N4BP1: variants seen among roughly 807,000 people sequenced by gnomAD.
N4BP1 encodes NEDD4-binding protein 1.
N4BP1 carries 21 observed loss-of-function variants against 70.9 expected under a neutral mutation model. That is an observed-to-expected ratio of 0.30 (90% CI 0.21 to 0.43). The LOEUF (loss-of-function observed/expected upper bound fraction) is 0.43. Ranked by LOEUF, N4BP1 falls within the 20% of genes least tolerant of loss-of-function variation. The pLI is 1.00. For synonymous variants in N4BP1, 387 were observed against 394.6 expected (o/e 0.98, Z 0.23); for missense variants, 936 against 1,069.4 (o/e 0.88, Z 1.74).
At chr16:48,609,458 T>TGAGCA (rs1964641597) in intron 1 of N4BP1, among the ~76,000 whole-genome samples, 1 of 152,132 alleles carries the variant, frequency 6.6e-6, no homozygotes, top group African/African-American at 2.4e-5. Context: ...ACAGGCGACA[T>TGAGCA]GCGCAGCGCA....
intron 1 of N4BP1, among the ~76,000 whole-genome samples, chr16:48,580,316 C>G (rs567061531): frequency 6.6e-6 from 1 of 152,084 alleles, no homozygotes; most frequent in South Asian, 2.1e-4. Context: ...TATACACGAA[C>G]AAATTGGATA....
At chr16:48,601,043 A>G (rs1045846244) in intron 1 of N4BP1, among the ~76,000 whole-genome samples, 21 of 152,246 alleles carry the variant, frequency 1.4e-4, no homozygotes, top group African/African-American at 5.1e-4. Flanking sequence ...GGGGGATACA[A>G]CAAGGAACTA....
intron 6 of N4BP1, among the ~76,000 whole-genome samples, chr16:48,543,485 C>T (rs1051706648): frequency 6.6e-6 from 1 of 152,274 alleles, no homozygotes; most frequent in African/African-American, 2.4e-5. Context: ...GGAATCAATG[C>T]GCTCTATGAG....
At chr16:48,600,566 G>A (rs973065330) in intron 1 of N4BP1, 1 of 573,070 alleles carries the variant, frequency 1.7e-6, no homozygotes, top group Non-Finnish European at 3.4e-6. Flanking sequence ...TCTTATCTGA[G>A]TTCCTCTTGC....
At chr16:48,605,793 A>G (rs561717145) in intron 1 of N4BP1, among the ~76,000 whole-genome samples, 67 of 152,198 alleles carry the variant, frequency 4.4e-4, no homozygotes, top group African/African-American at 1.3e-3. Context: ...TAACTCTTCC[A>G]CGACTCTCCA....
At chr16:48,580,509 G>C (rs7498158) in intron 1 of N4BP1, among the ~76,000 whole-genome samples, 1 of 152,078 alleles carries the variant, frequency 6.6e-6, no homozygotes, top group Non-Finnish European at 1.5e-5. Flanking sequence ...ATTTAAAGAA[G>C]AACTAATGTC....
chr16:48,590,960 G>T (rs1421060363), intron 1 of N4BP1, among the ~76,000 whole-genome samples: 1 of 152,208 alleles, frequency 6.6e-6, no homozygotes, highest in Admixed American at 6.5e-5. Flanking sequence ...AGAATAGGAG[G>T]ATAGTTTGGA....
At chr16:48,563,123 G>A (rs955066524) in intron 1 of N4BP1, among the ~76,000 whole-genome samples, 1 of 151,798 alleles carries the variant, frequency 6.6e-6, no homozygotes, top group African/African-American at 2.4e-5. Context: ...TCAGATGTTG[G>A]TATTGAAATA....
At chr16:48,564,109 C>T (rs559995564) in intron 1 of N4BP1, among the ~76,000 whole-genome samples, 64 of 152,222 alleles carry the variant, frequency 4.2e-4, no homozygotes, top group Admixed American at 7.2e-4. Context: ...TTTGAGAGCT[C>T]TTTATATATC....
At chr16:48,568,654 G>A (rs1963974184) in intron 1 of N4BP1, among the ~76,000 whole-genome samples, 1 of 152,088 alleles carries the variant, frequency 6.6e-6, no homozygotes, top group Non-Finnish European at 1.5e-5. Context: ...TTCTTCCCCA[G>A]CAAACTGAGA....
intron 1 of N4BP1, among the ~76,000 whole-genome samples, chr16:48,564,290 T>C (rs1963906098): frequency 6.6e-6 from 1 of 152,234 alleles, no homozygotes; most frequent in Non-Finnish European, 1.5e-5. Flanking sequence ...ACCTCTCCAA[T>C]GTTATCGTCT....
chr16:48,548,394 A>G (rs1459907591), intron 4 of N4BP1, among the ~76,000 whole-genome samples: 1 of 152,240 alleles, frequency 6.6e-6, no homozygotes, highest in Non-Finnish European at 1.5e-5. Flanking sequence ...TTATCAATAA[A>G]CAGTGTTAAT....
Position 48,548,185 on chromosome 16 carries a change from G to C in N4BP1, c.2118-71C>G, listed in dbSNP as rs1963615888. The stretch of plus-strand genomic sequence containing the variant: ...GCTCAGAGAAGCCATGTTATAAGAA[G>C]AGAATATTTCCTCTTCATAGGAAAA... On this transcript the variant is annotated intron_variant, in intron 4 of 6. Coordinates refer to ENST00000262384, the MANE Select transcript of N4BP1 (RefSeq NM_153029.4). 5 of 883,888 alleles carry C rather than the reference G, an allele frequency of 5.7e-6. No homozygotes were observed. The South Asian group carries it at 7.2e-5, about 13-fold the overall frequency. 54.8% of individuals were successfully genotyped at this position (883,888 alleles called of 1,614,324 possible).
intron 1 of N4BP1, among the ~76,000 whole-genome samples, chr16:48,575,727 T>C (rs1216557808): frequency 6.6e-6 from 1 of 152,216 alleles, no homozygotes; most frequent in Non-Finnish European, 1.5e-5. Flanking sequence ...GGGGCAGCAC[T>C]GAGTGCTACC....
At chr16:48,597,734 G>A (rs1169012219) in intron 1 of N4BP1, among the ~76,000 whole-genome samples, 2 of 152,090 alleles carry the variant, frequency 1.3e-5, no homozygotes, top group Non-Finnish European at 2.9e-5. Flanking sequence ...CCCTTAGGGA[G>A]TCAGATTTGA....
chr16:48,593,006 A>T (rs1466770648), intron 1 of N4BP1, among the ~76,000 whole-genome samples: 2 of 152,246 alleles, frequency 1.3e-5, no homozygotes, highest in African/African-American at 4.8e-5. Context: ...AGATGGTCTA[A>T]GTCATGAAAG....
At position 48,610,083 on chromosome 16, in the gene N4BP1, C is replaced by T. The variant is rs1300445048; in HGVS notation, c.-111G>A. On this transcript the variant is annotated 5_prime_UTR_variant, in exon 1 of 7. Transcript: ENST00000262384. ...GGCGGCGTCGGCCCTTCCCGGCCGCCTCGCCCCCGCCCGCGCCCCGCCGCC... is the reference window on the plus strand; with the variant it reads ...GGCGGCGTCGGCCCTTCCCGGCCGCTTCGCCCCCGCCCGCGCCCCGCCGCC... 3.9e-6 allele frequency: 2 copies of T among 518,740 alleles called. No individual in the cohort carries two copies. Among genetic ancestry groups the T allele is most frequent in the Non-Finnish European group, 5.0e-6 (2 of 400,934 alleles). 32.1% of individuals were successfully genotyped at this position (518,740 alleles called of 1,614,324 possible). A position where few individuals can be genotyped will look rare whatever the true frequency, so the allele number is the denominator to read the frequency against.
At chr16:48,595,624 A>G (rs1225984388) in intron 1 of N4BP1, among the ~76,000 whole-genome samples, 1 of 152,208 alleles carries the variant, frequency 6.6e-6, no homozygotes, top group Non-Finnish European at 1.5e-5. Flanking sequence ...ATGGTGATAT[A>G]GTTATTTACA....
At chr16:48,573,205 G>T (rs1347250290) in intron 1 of N4BP1, among the ~76,000 whole-genome samples, 1 of 151,996 alleles carries the variant, frequency 6.6e-6, no homozygotes, top group Non-Finnish European at 1.5e-5. Flanking sequence ...CGCTGCACTG[G>T]GTAACTAAAA....
Sources: allele counts gnomAD v4.1 joint callset (sites outside exome capture counted in the v4.1 genomes callset), GRCh38; gene constraint gnomAD v4.1.1; transcripts MANE v1.5; gene names NCBI Gene and HGNC (gene_info 2026-07-23, HGNC 2026-07-21).